The following NDUFS7 variants were observed in gnomAD, a reference collection of about 807,000 sequenced individuals.
The protein encoded by NDUFS7 is NADH dehydrogenase [ubiquinone] iron-sulfur protein 7, mitochondrial.
A neutral mutation model predicts 31.1 loss-of-function variants in NDUFS7; 11 were observed. That is an observed-to-expected ratio of 0.35 (90% confidence interval 0.22 to 0.59). The LOEUF is 0.59. Ranked by LOEUF, NDUFS7 falls within the 20% of genes least tolerant of loss-of-function variation. The probability of loss-of-function intolerance (pLI) is 0.79; values close to 1 mark genes in which losing one functional copy is unlikely to be tolerated. For synonymous variants in NDUFS7, 136 were observed against 127.9 expected, an observed-to-expected ratio of 1.06 and a Z score of -0.43; for missense variants, 263 against 324.2, an observed-to-expected ratio of 0.81 and a Z score of 1.45.
chr19:1,395,214 G>T, intron 7 of NDUFS7, 177 bp from the exon 8 acceptor site: 1 of 1,429,574 alleles, frequency 7.0e-7, no homozygotes, highest in Non-Finnish European at 9.1e-7. Flanking sequence ...CACTCTTCCT[G>T]CAGGGACCTC....
intron 7 of NDUFS7, chr19:1,394,355 C>T: frequency 7.8e-7 from 1 of 1,288,880 alleles, no homozygotes; most frequent in Non-Finnish European, 1.0e-6. Context: ...CTGGCGTCTT[C>T]CCCTGCAGTG....
At chr19:1,388,429 G>A (rs879690748) in intron 2 of NDUFS7, 96 bp from the exon 3 acceptor site, 13 of 1,146,500 alleles carry the variant, frequency 1.1e-5, no homozygotes, top group Middle Eastern at 2.8e-4. Flanking sequence ...GAACAGTCTC[G>A]CAGCAGGGAG....
chr19:1,390,671 T>C (rs2082548635), intron 4 of NDUFS7, 200 bp from the exon 5 acceptor site: 1 of 612,100 alleles, frequency 1.6e-6, no homozygotes, highest in Non-Finnish European at 2.9e-6. Context: ...CTCTATTTTA[T>C]GTATTTGAAT....
chr19:1,388,018 C>A, intron 2 of NDUFS7, 171 bp downstream of exon 2: 4 of 713,800 alleles, frequency 5.6e-6, no homozygotes, highest in Non-Finnish European at 4.9e-6. Flanking sequence ...CCGGGACCCT[C>A]CCTGGGACAG....
chr19:1,391,261 C>A, intron 6 of NDUFS7, 96 bp downstream of exon 6: 2 of 1,458,190 alleles, frequency 1.4e-6, no homozygotes, highest in Non-Finnish European at 1.9e-6. Context: ...CATCTACATT[C>A]AGTGAAATCC....
chr19:1,388,127 T>G, intron 2 of NDUFS7: 1 of 599,166 alleles, frequency 1.7e-6, no homozygotes, highest in Non-Finnish European at 3.0e-6. Context: ...GAAGGCATTC[T>G]CTGAGCCCTG....
In NDUFS7 at chr19:1,395,574, G is replaced by C; in HGVS notation, c.*86G>C. ...TGAGGTTGTCAATAAACCTGCCCTC[G>C]GGCTGCCGCCTCCCAGTGTGGTGTG... On this transcript the variant is annotated 3_prime_UTR_variant, in exon 8 of 8. Coordinates refer to ENST00000233627, the MANE Select transcript of NDUFS7 (RefSeq NM_024407.5). 2 of 1,455,712 alleles carry C rather than the reference G, an allele frequency of 1.4e-6. No homozygotes were observed. The highest frequency in any genetic ancestry group is 2.5e-5 in the East Asian group (1 of 40,226). The allele number at this position is 1,455,712 out of a possible 1,614,324, so 90.2% of individuals were successfully genotyped here.
intron 7 of NDUFS7, chr19:1,394,336 C>T: frequency 7.8e-7 from 1 of 1,282,476 alleles, no homozygotes; most frequent in Non-Finnish European, 1.0e-6. Flanking sequence ...AGGAGCTCTG[C>T]CCATGCCCCT....
chr19:1,393,602 C>T lies in NDUFS7; in HGVS notation c.544+272C>T. The T allele has an allele frequency of 1.6e-6, 1 of 614,380 alleles. No homozygotes were observed. Among genetic ancestry groups the T allele is most frequent in the Admixed American group, 2.6e-5 (1 of 37,768 alleles). The allele number at this position is 614,380 out of a possible 1,614,324, so 38.1% of individuals were successfully genotyped here. A position where few individuals can be genotyped will look rare whatever the true frequency, so the allele number is the denominator to read the frequency against. ...CTGGTTTACAGCAGTTTCATATGGT[C>T]CTACCTGGCACAAACCAAAGACCTG... On this transcript the variant is annotated intron_variant, in intron 7 of 7. Coordinates refer to ENST00000233627, the MANE Select transcript of NDUFS7 (RefSeq NM_024407.5). The surrounding 1 kb of genome is among the most constrained non-coding windows in gnomAD (Gnocchi z 7.3).
chr19:1,384,978 C>G (rs1051623672), intron 1 of NDUFS7, among the ~76,000 whole-genome samples: 1 of 152,074 alleles, frequency 6.6e-6, no homozygotes, highest in African/African-American at 2.4e-5. Flanking sequence ...CCATGCCTGG[C>G]TAGTTTTTGT....
chr19:1,388,496 C>T (rs1215742405), intron 2 of NDUFS7, 29 bp from the exon 3 acceptor site: 2 of 1,605,952 alleles, frequency 1.2e-6, no homozygotes, highest in Admixed American at 1.7e-5. Context: ...CCTGGGACAG[C>T]CACTGACCCG....
chr19:1,387,594 G>C, intron 1 of NDUFS7: 2 of 600,698 alleles, frequency 3.3e-6, no homozygotes, highest in Non-Finnish European at 3.0e-6. Context: ...AGACGGGGCA[G>C]CGTTTGGGTT....
intron 6 of NDUFS7, chr19:1,392,422 C>T (rs2082563443): frequency 6.6e-6 from 1 of 152,264 alleles, no homozygotes. Context: ...ATTCTCATCA[C>T]CCCCAAATGA....
Position 1,394,787 on chromosome 19 carries a change from G to A in NDUFS7, c.545-604G>A, listed in dbSNP as rs890820292. On this transcript the variant is annotated intron_variant, in intron 7 of 7. Transcript: ENST00000233627. ...CCGCCCTTTCCCAGGCCCTGCAGTG[G>A]CCTTGTCCTTTCTCACCTGTTTCCA... is the stretch of plus-strand genomic sequence containing the variant. 2.5e-6 allele frequency: 3 copies of A among 1,179,768 alleles called. No individual in the cohort carries two copies. The African/African-American group carries it at 4.8e-5, about 19-fold the overall frequency. The allele number at this position is 1,179,768 out of a possible 1,614,324, so 73.1% of individuals were successfully genotyped here.
In NDUFS7 at chr19:1,383,908, T is replaced by C. The variant is rs2082490131; in HGVS notation, c.-19T>C. The stretch of plus-strand genomic sequence containing the variant: ...TAAGGAGAACGGACCTCAGAGGTTG[T>C]CTGAAGGCCGAGGCCAAGATGGCGG... On this transcript the variant is annotated 5_prime_UTR_variant, in exon 1 of 8. Transcript: ENST00000233627. 1.3e-6 allele frequency: 2 copies of C among 1,580,342 alleles called. No individual in the cohort carries two copies. The highest frequency in any genetic ancestry group is 1.7e-6 in the Non-Finnish European group (2 of 1,164,198).
intron 1 of NDUFS7, chr19:1,387,122 G>GGTCGCCGTATCATT: frequency 1.4e-5 from 2 of 143,978 alleles, no homozygotes; most frequent in Admixed American, 6.8e-5. Flanking sequence ...TGTGTAGATT[G>GGTCGCCGTATCATT]ACGTGGGCAG....
intron 2 of NDUFS7, 72 bp from the exon 3 acceptor site, chr19:1,388,453 C>A: frequency 7.2e-7 from 1 of 1,396,264 alleles, no homozygotes; most frequent in Non-Finnish European, 1.0e-6. Context: ...AGAGGCAGGA[C>A]AACAGTGAGT....
intron 1 of NDUFS7, among the ~76,000 whole-genome samples, chr19:1,385,055 A>G (rs561129518): frequency 9.9e-4 from 151 of 152,254 alleles, no homozygotes; most frequent in Non-Finnish European, 1.4e-3. Context: ...AGTTCAAGCA[A>G]TCCTCCCACC....
rs2144611582 is a variant in NDUFS7 at position 1,387,935 on chromosome 19, G to T, written c.53+88G>T. 2 of 486,186 alleles carry T rather than the reference G, an allele frequency of 4.1e-6. 1 individual carries two copies. Among genetic ancestry groups the T allele is most frequent in the South Asian group, 3.3e-5 (2 of 60,238 alleles). The allele number at this position is 486,186 out of a possible 1,614,324, so 30.1% of individuals were successfully genotyped here. ...GCGGGGGGGGTGGGGGGTGGGGGGA[G>T]CGCCTTGTTGAAGGTCACGTGTCAT... On this transcript the variant is annotated intron_variant, in intron 2 of 7. Transcript: ENST00000233627.
Sources: allele counts gnomAD v4.1 joint callset (sites outside exome capture counted in the v4.1 genomes callset), GRCh38; gene constraint gnomAD v4.1.1; non-coding constraint Gnocchi (gnomAD v3.1); transcripts MANE v1.5; gene names NCBI Gene and HGNC (gene_info 2026-07-23, HGNC 2026-07-21).